The following NALCN variants were observed in gnomAD, a reference collection of about 807,000 sequenced individuals.
NALCN encodes sodium leak channel NALCN.
Under a neutral mutation model 225.3 loss-of-function variants are expected in NALCN, and 111 were observed. The observed-to-expected ratio is 0.49, with a 90% CI of 0.42 to 0.58. NALCN has a LOEUF of 0.58. Ranked by LOEUF, NALCN falls within the 20% of genes least tolerant of loss-of-function variation. NALCN has a pLI of 0.00. For missense variants in NALCN, 1,378 were observed against 2,202.4 expected, an observed-to-expected ratio of 0.63 and a Z score of 7.49; for synonymous variants, 764 against 769.0, an observed-to-expected ratio of 0.99 and a Z score of 0.11.
intron 27 of NALCN, among the ~76,000 whole-genome samples, chr13:101,100,105 A>G (rs1273463908): frequency 6.6e-6 from 1 of 152,124 alleles, no homozygotes; most frequent in Admixed American, 6.6e-5. Flanking sequence ...GTTGTCATAA[A>G]GAGGGAGATT....
intron 3 of NALCN, among the ~76,000 whole-genome samples, chr13:101,382,676 A>G (rs1200660129): frequency 6.6e-6 from 1 of 152,214 alleles, no homozygotes. Flanking sequence ...GTGATCAGAA[A>G]TTAGAAGCAT....
chr13:101,332,843 T>G (rs1437670950), intron 7 of NALCN, among the ~76,000 whole-genome samples: 1 of 147,126 alleles, frequency 6.8e-6, no homozygotes, highest in African/African-American at 2.7e-5. Context: ...AACAAAGTTA[T>G]AGTAAAAAAG....
At chr13:101,092,242 C>A (rs1201511827) in intron 28 of NALCN, among the ~76,000 whole-genome samples, 1 of 152,070 alleles carries the variant, frequency 6.6e-6, no homozygotes, top group African/African-American at 2.4e-5. Context: ...TGCTCCAAGG[C>A]CCCCCAAGAT....
chr13:101,314,456 T>A (rs1350083211), intron 7 of NALCN, among the ~76,000 whole-genome samples: 1 of 152,230 alleles, frequency 6.6e-6, no homozygotes, highest in East Asian at 1.9e-4. Context: ...TAGGAATAGG[T>A]GGCATTTTCC....
Position 101,346,083 on chromosome 13 carries a change from CTCTCTATATA to C in NALCN, c.645-673_645-664del, listed in dbSNP as rs938625077. Among the ~76,000 whole-genome samples, 37 of 84,308 alleles carry C rather than the reference CTCTCTATATA, an allele frequency of 4.4e-4. 1 individual carries two copies. The highest frequency in any genetic ancestry group is 2.7e-3 in the Admixed American group (19 of 7,128). 55.3% of individuals were successfully genotyped at this position (84,308 alleles called of 152,430 possible). A position where few individuals can be genotyped will look rare whatever the true frequency, so the allele number is the denominator to read the frequency against. On this transcript the variant is annotated intron_variant, in intron 6 of 43. Transcript: ENST00000251127. ...TCTCTCTCTCTCTCTCTCTCTCTCTCTCTCTATATATATATATATATATATATATGATGTT... is the reference window on the plus strand; with the variant it reads ...TCTCTCTCTCTCTCTCTCTCTCTCTCTATATATATATATATATATGATGTT...
intron 28 of NALCN, among the ~76,000 whole-genome samples, chr13:101,095,159 G>A (rs1263951248): frequency 1.3e-5 from 2 of 152,060 alleles, no homozygotes; most frequent in African/African-American, 4.8e-5. Context: ...AGTGTAAATG[G>A]GTTTTAAAAT....
intron 6 of NALCN, among the ~76,000 whole-genome samples, chr13:101,349,050 G>C (rs1211010891): frequency 1.3e-5 from 2 of 152,052 alleles, no homozygotes; most frequent in African/African-American, 4.8e-5. Context: ...AGTTGGGGGT[G>C]GGGTGGATGG....
chr13:101,259,625 T>G (rs1050563839), intron 10 of NALCN, among the ~76,000 whole-genome samples: 1 of 151,362 alleles, frequency 6.6e-6, no homozygotes, highest in Admixed American at 6.6e-5. Flanking sequence ...TGAGCCACCA[T>G]GCCTGGCCAT....
chr13:101,224,543 T>A (rs2041063979), intron 13 of NALCN, among the ~76,000 whole-genome samples: 1 of 152,224 alleles, frequency 6.6e-6, no homozygotes, highest in African/African-American at 2.4e-5. Context: ...AAGCTAACTC[T>A]TCCTTTGCTC....
intron 14 of NALCN, among the ~76,000 whole-genome samples, chr13:101,186,710 T>C (rs1023124593): frequency 1.3e-5 from 2 of 152,180 alleles, no homozygotes; most frequent in African/African-American, 4.8e-5. Context: ...CATAATCAGA[T>C]AAATCAAATA....
intron 15 of NALCN, among the ~76,000 whole-genome samples, chr13:101,174,946 G>C (rs961409746): frequency 4.6e-5 from 7 of 152,164 alleles, no homozygotes; most frequent in African/African-American, 1.7e-4. Context: ...TACAGCAGCA[G>C]ATTTTTATTG....
intron 7 of NALCN, among the ~76,000 whole-genome samples, chr13:101,334,944 C>A (rs1262587352): frequency 6.6e-6 from 1 of 152,114 alleles, no homozygotes; most frequent in Non-Finnish European, 1.5e-5. Context: ...TTATTACTTT[C>A]TTAAATCATT....
rs2033050028 is a variant in NALCN, at chr13:101,073,636, A to G, written c.4145T>C (p.Leu1382Pro). 6.2e-7 allele frequency: 1 copy of G among 1,613,570 alleles called. No individual in the cohort carries two copies. The change falls in exon 37 of 44, where the codon CTG becomes CCG. Residue 1382 changes from leucine (L) to proline (P), a missense_variant. By Grantham distance (98) the Leu-to-Pro change is moderately conservative. This residue lies in a region of NALCN where 76 missense variants were observed against 118.7 expected (regional missense o/e 0.64). Coordinates refer to ENST00000251127, the MANE Select transcript of NALCN (RefSeq NM_052867.4). ...GTCTTCACCTGTGACAATTCGGAAC[A>G]GTACGGTAATAGCTTTTCCAGCCGA... ...FSSAGKAITV[L>P]FRIVTGEDWN... is the part of the protein sequence containing the mutation.
At chr13:101,160,191 T>G (rs759178567) in intron 15 of NALCN, among the ~76,000 whole-genome samples, 3 of 152,146 alleles carry the variant, frequency 2.0e-5, no homozygotes, top group African/African-American at 7.2e-5. Context: ...CCTGACCTTG[T>G]GATCTGCCCG....
intron 17 of NALCN, among the ~76,000 whole-genome samples, chr13:101,133,948 T>A (rs1406970052): frequency 6.6e-6 from 1 of 152,122 alleles, no homozygotes; most frequent in Non-Finnish European, 1.5e-5. Context: ...GGTGGGTGGA[T>A]CACGAGGTCA....
intron 7 of NALCN, among the ~76,000 whole-genome samples, chr13:101,338,210 T>G (rs984244738): frequency 1.3e-5 from 2 of 152,214 alleles, no homozygotes; most frequent in African/African-American, 4.8e-5. Flanking sequence ...GCTCGTGTAG[T>G]GTTAAGGGCA....
chr13:101,157,189 T>C (rs2037946262), intron 15 of NALCN, among the ~76,000 whole-genome samples: 1 of 152,144 alleles, frequency 6.6e-6, no homozygotes, highest in Admixed American at 6.5e-5. Flanking sequence ...GGTAAATATA[T>C]ACAAAACTAG....
At chr13:101,399,290 A>G (rs901574301) in intron 1 of NALCN, 125 bp from the exon 2 acceptor site, 3 of 501,930 alleles carry the variant, frequency 6.0e-6, no homozygotes, top group South Asian at 3.3e-5. Flanking sequence ...TGTATAATAA[A>G]CATATGAAAA....
At chr13:101,198,084 G>C (rs1200349670) in intron 13 of NALCN, among the ~76,000 whole-genome samples, 1 of 152,120 alleles carries the variant, frequency 6.6e-6, no homozygotes, top group Non-Finnish European at 1.5e-5. Context: ...GAGAACCAGA[G>C]AGTAGAGGGT....
Sources: allele counts gnomAD v4.1 joint callset (sites outside exome capture counted in the v4.1 genomes callset), GRCh38; gene constraint gnomAD v4.1.1; regional missense constraint gnomAD v4.1.1; transcripts MANE v1.5; gene names NCBI Gene and HGNC (gene_info 2026-07-23, HGNC 2026-07-21).